The following PRLR variants were observed in gnomAD, a reference collection of about 807,000 sequenced individuals.
The protein encoded by PRLR is hPRL receptor.
A neutral mutation model predicts 40.2 loss-of-function variants in PRLR; 13 were observed. The observed-to-expected ratio is 0.32, with a 90% CI of 0.21 to 0.51. The LOEUF is 0.51. PRLR is among the 20% of genes least tolerant of loss of function. The pLI is 0.97. For missense variants in PRLR, 656 were observed against 747.3 expected (o/e 0.88, Z 1.42); for synonymous variants, 269 against 278.7 (o/e 0.97, Z 0.35).
In PRLR at chr5:35,066,166, C is replaced by T. The variant is rs1042623091; in HGVS notation, c.856-64G>A. On this transcript the variant is annotated intron_variant, in intron 9 of 9. Transcript: ENST00000618457. ...TTCATAACATTCCAAATCAGCATCC[C>T]TGCTAAGTGGTGCTGTTCATTGCCA... 2.7e-6 allele frequency: 4 copies of T among 1,480,004 alleles called. No individual in the cohort carries two copies. The African/African-American group carries it at 5.6e-5, about 21-fold the overall frequency. The allele number at this position is 1,480,004 out of a possible 1,614,324, so 91.7% of individuals were successfully genotyped here.
rs1768744574 is a variant in PRLR, at chr5:35,056,714, T to A, written c.*8375A>T. The A allele has an allele frequency of 6.6e-6, 1 of 152,168 alleles. No homozygotes were observed. The highest frequency in any genetic ancestry group is 2.4e-5 in the African/African-American group (1 of 41,450). The allele number at this position is 152,168 out of a possible 1,614,324, so 9.4% of individuals were successfully genotyped here. A position where few individuals can be genotyped will look rare whatever the true frequency, so the allele number is the denominator to read the frequency against. On this transcript the variant is annotated 3_prime_UTR_variant, in exon 10 of 10. Coordinates refer to ENST00000618457, the MANE Select transcript of PRLR (RefSeq NM_000949.7). ...GAACCTGTGTCTGGTGACTGAGACTTCAAATTTTGCACCTTAAAAATATAA... is the reference window on the plus strand; with the variant it reads ...GAACCTGTGTCTGGTGACTGAGACTACAAATTTTGCACCTTAAAAATATAA...
rs186031084 is a variant in PRLR, at chr5:35,057,103, G to A, written c.*7986C>T. 3.9e-5 allele frequency: 6 copies of A among 152,166 alleles called. 1 individual carries two copies. The highest frequency in any genetic ancestry group is 3.9e-4 in the Admixed American group (6 of 15,280). 9.4% of individuals were successfully genotyped at this position (152,166 alleles called of 1,614,324 possible). A position where few individuals can be genotyped will look rare whatever the true frequency, so the allele number is the denominator to read the frequency against. On this transcript the variant is annotated 3_prime_UTR_variant, in exon 10 of 10. Transcript: ENST00000618457. The stretch of plus-strand genomic sequence containing the variant: ...ATTCCCCACTTAAAAAAATGCTTTG[G>A]TTCTTCCTTTATTTCACAATATTTA...
intron 5 of PRLR, among the ~76,000 whole-genome samples, chr5:35,074,550 C>A (rs760265072): frequency 2.8e-5 from 4 of 144,066 alleles, no homozygotes; most frequent in Non-Finnish European, 4.4e-5. Flanking sequence ...GAGGCAAACT[C>A]CCAGAAACAG....
At chr5:35,107,062 A>G (rs1326626926) in intron 2 of PRLR, among the ~76,000 whole-genome samples, 1 of 152,350 alleles carries the variant, frequency 6.6e-6, no homozygotes, top group South Asian at 2.1e-4. Context: ...AGAACCCAGG[A>G]TTAAGAAACT....
intron 4 of PRLR, 35 bp downstream of exon 4, chr5:35,086,173 T>C (rs780086206): frequency 6.2e-7 from 1 of 1,611,920 alleles, no homozygotes; most frequent in East Asian, 2.2e-5. Context: ...GGAGTACTCA[T>C]GTGGGGTTTC....
intron 2 of PRLR, among the ~76,000 whole-genome samples, chr5:35,099,439 A>G (rs1157519759): frequency 6.6e-6 from 1 of 152,266 alleles, no homozygotes; most frequent in East Asian, 1.9e-4. Context: ...AGCGCATACA[A>G]TTATGTGCAG....
chr5:35,077,057 G>C (rs987431111), intron 5 of PRLR, among the ~76,000 whole-genome samples: 2 of 152,120 alleles, frequency 1.3e-5, no homozygotes, highest in African/African-American at 2.4e-5. Flanking sequence ...ACTAAACATG[G>C]AAAGGAACAA....
At chr5:35,179,866 G>C (rs1011619086) in intron 1 of PRLR, among the ~76,000 whole-genome samples, 1 of 152,120 alleles carries the variant, frequency 6.6e-6, no homozygotes. Context: ...ACTGGGACGG[G>C]GCAGAGAGGG....
chr5:35,210,441 A>G (rs545826819), intron 1 of PRLR, among the ~76,000 whole-genome samples: 3 of 152,324 alleles, frequency 2.0e-5, no homozygotes, highest in East Asian at 1.9e-4. Flanking sequence ...AAGACTTTCA[A>G]TGACACACAG....
chr5:35,189,276 A>G (rs1271974704), intron 1 of PRLR, among the ~76,000 whole-genome samples: 2 of 152,148 alleles, frequency 1.3e-5, no homozygotes, highest in African/African-American at 4.8e-5. Flanking sequence ...GATTTCTGAA[A>G]GCACCTACTT....
chr5:35,132,596 C>T (rs140689617), intron 1 of PRLR, among the ~76,000 whole-genome samples: 417 of 152,246 alleles, frequency 2.7e-3, no homozygotes, highest in African/African-American at 9.5e-3. Context: ...ACACATTAGT[C>T]CTATTCAAAA....
chr5:35,128,621 A>C (rs1321285779), intron 1 of PRLR, among the ~76,000 whole-genome samples: 1 of 152,112 alleles, frequency 6.6e-6, no homozygotes, highest in Non-Finnish European at 1.5e-5. Flanking sequence ...ACTTTGTGGA[A>C]CATAAAGTAT....
intron 1 of PRLR, among the ~76,000 whole-genome samples, chr5:35,140,402 A>G (rs1773984830): frequency 6.6e-6 from 1 of 152,248 alleles, no homozygotes; most frequent in African/African-American, 2.4e-5. Flanking sequence ...TTTATAATCA[A>G]TTGTGGAATT....
chr5:35,152,266 A>C (rs1774363814), intron 1 of PRLR, among the ~76,000 whole-genome samples: 1 of 152,194 alleles, frequency 6.6e-6, no homozygotes, highest in South Asian at 2.1e-4. Flanking sequence ...TTATGCTACA[A>C]ATAACTGTCC....
At chr5:35,053,478 C>A (rs1768577111), downstream of PRLR, among the ~76,000 whole-genome samples, 1 of 152,128 alleles carries the variant, frequency 6.6e-6, no homozygotes, top group African/African-American at 2.4e-5. Context: ...CATGGCAAAA[C>A]CTCGTCTCTA....
At chr5:35,215,757 C>T (rs1051292026) in intron 1 of PRLR, among the ~76,000 whole-genome samples, 2 of 151,132 alleles carry the variant, frequency 1.3e-5, no homozygotes, top group African/African-American at 2.4e-5. Context: ...AAGTAAGGGC[C>T]GGGCACGGTG....
Position 35,072,721 on chromosome 5 carries a change from G to T in PRLR, c.397C>A (p.Leu133Met), listed in dbSNP as rs770999063. Residue 133 changes from leucine (L) to methionine (M), a missense_variant, in exon 6 of 10, where the codon CTG becomes ATG. Physicochemically the swap from Leu to Met is conservative, Grantham distance 15. This residue lies in a region of PRLR where 180 missense variants were observed against 236.8 expected (regional missense o/e 0.76). Transcript: ENST00000618457. ...TCTGGCTGTTTTACTTCCACAGCCA[G>T]CTCCAAAGGAGGGTCTGGCTGAACT... ...YIVQPDPPLELAVEVKQPEDR... is the reference protein window; with the variant it reads ...YIVQPDPPLEMAVEVKQPEDR... 6.2e-7 allele frequency: 1 copy of T among 1,614,146 alleles called. No homozygotes were observed. Among genetic ancestry groups the T allele is most frequent in the South Asian group, 1.1e-5 (1 of 91,064 alleles).
intron 5 of PRLR, among the ~76,000 whole-genome samples, chr5:35,080,903 A>G (rs1270788237): frequency 6.6e-6 from 1 of 152,034 alleles, no homozygotes; most frequent in Non-Finnish European, 1.5e-5. Context: ...ACATGGATGA[A>G]GCTGGAATCC....
In PRLR at chr5:35,058,865, G is replaced by A. The variant is rs1768874869; in HGVS notation, c.*6224C>T. On this transcript the variant is annotated 3_prime_UTR_variant, in exon 10 of 10. Coordinates refer to ENST00000618457, the MANE Select transcript of PRLR (RefSeq NM_000949.7). ...ACATCAAATATGCCACCGAAAACCA[G>A]TCAAAGCATGAGACATGACATCTTT... The A allele has an allele frequency of 6.6e-6, 1 of 152,076 alleles. No individual in the cohort carries two copies. Among genetic ancestry groups the A allele is most frequent in the South Asian group, 2.1e-4 (1 of 4,828 alleles). The allele number at this position is 152,076 out of a possible 1,614,324, so 9.4% of individuals were successfully genotyped here.
Sources: allele counts gnomAD v4.1 joint callset (sites outside exome capture counted in the v4.1 genomes callset), GRCh38; gene constraint gnomAD v4.1.1; regional missense constraint gnomAD v4.1.1; transcripts MANE v1.5; gene names NCBI Gene and HGNC (gene_info 2026-07-23, HGNC 2026-07-21).